The following NME6 variants were observed in gnomAD, a reference collection of about 807,000 sequenced individuals.
The protein encoded by NME6 is NME/NM23 nucleoside diphosphate kinase 6.
Under a neutral mutation model 22.2 loss-of-function variants are expected in NME6, and 16 were observed. The observed-to-expected ratio is 0.72, with a 90% CI of 0.49 to 1.09. NME6 has a LOEUF of 1.09. NME6 is among the 50% of genes least tolerant of loss of function. The pLI is 0.00. For missense variants in NME6, 229 were observed against 239.0 expected (o/e 0.96, Z 0.28); for synonymous variants, 58 against 85.2 (o/e 0.68, Z 1.76).
At chr3:48,300,256 ATCT>A in intron 1 of NME6, 1 of 456,758 alleles carries the variant, frequency 2.2e-6, no homozygotes, top group South Asian at 1.5e-5. Flanking sequence ...GCTCTGCATG[ATCT>A]TGTGGTTCCC....
chr3:48,288,098 A>G (rs2034260856), downstream of NME6, among the ~76,000 whole-genome samples: 1 of 152,196 alleles, frequency 6.6e-6, no homozygotes, highest in Non-Finnish European at 1.5e-5. Flanking sequence ...TTAGCTTAAA[A>G]GTAAGAGCGT....
rs2035451827 is a variant in NME6 at position 48,299,276 on chromosome 3, G to A, written c.-7-753C>T. 4.9e-5 allele frequency: 15 copies of A among 308,950 alleles called. No homozygotes were observed. The East Asian group carries it at 7.7e-4, about 16-fold the overall frequency. 19.1% of individuals were successfully genotyped at this position (308,950 alleles called of 1,614,324 possible). On this transcript the variant is annotated intron_variant, in intron 1 of 5. Transcript: ENST00000442597. Reference sequence around the variant, plus strand: ...TTCTATTCATCTTTGTATTCCTAATGTCTAGCATGGTGTAAGAGCTCAATA... The same window carrying A: ...TTCTATTCATCTTTGTATTCCTAATATCTAGCATGGTGTAAGAGCTCAATA...
At position 48,292,513 on chromosome 3, in the gene NME6, G is replaced by C. The variant is rs1013722654; in HGVS notation, c.*2124C>G. 12 of 151,964 alleles carry C rather than the reference G, an allele frequency of 7.9e-5. No homozygotes were observed. The highest frequency in any genetic ancestry group is 2.9e-4 in the African/African-American group (12 of 41,368). 9.4% of individuals were successfully genotyped at this position (151,964 alleles called of 1,614,324 possible). ...ATATCAATTTTGTTGATACTTTGTG[G>C]GCTGAGATGTTGACAGATTTTGTTC... On this transcript the variant is annotated 3_prime_UTR_variant, in exon 6 of 6. Transcript: ENST00000442597.
intron 2 of NME6, among the ~76,000 whole-genome samples, chr3:48,297,093 TAA>T (rs1274751761): frequency 6.6e-6 from 1 of 152,180 alleles, no homozygotes; most frequent in Non-Finnish European, 1.5e-5. Context: ...CAGACCACCA[TAA>T]AAGTCTTGTT....
At chr3:48,295,786 G>A in intron 4 of NME6, 1 of 374,876 alleles carries the variant, frequency 2.7e-6, no homozygotes, top group Non-Finnish European at 4.9e-6. Flanking sequence ...CACGATCTTG[G>A]CTCACTTCAA....
At chr3:48,288,109 G>C (rs147365291), downstream of NME6, among the ~76,000 whole-genome samples, 92 of 152,222 alleles carry the variant, frequency 6.0e-4, 2 homozygotes, top group East Asian at 0.015. Context: ...GTAAGAGCGT[G>C]GTGGCTCATG....
chr3:48,296,079 G>T, intron 4 of NME6, 40 bp downstream of exon 4: 1 of 1,285,098 alleles, frequency 7.8e-7, no homozygotes, highest in Non-Finnish European at 1.1e-6. Context: ...GGGGAGATTA[G>T]CCTCAGTGGA....
chr3:48,300,672 A>C (rs2035598031), intron 1 of NME6: 1 of 233,772 alleles, frequency 4.3e-6, no homozygotes, highest in South Asian at 5.0e-5. Context: ...AACGCAGCTA[A>C]GTTGTGGCTG....
At chr3:48,300,343 A>T (rs2035562619) in intron 1 of NME6, 7 of 456,634 alleles carry the variant, frequency 1.5e-5, no homozygotes, top group South Asian at 1.1e-4. Context: ...TGGGCCTTTC[A>T]GTTTTGAAAG....
At chr3:48,300,956 G>A (rs2035631948) in intron 1 of NME6, among the ~76,000 whole-genome samples, 1 of 152,128 alleles carries the variant, frequency 6.6e-6, no homozygotes, top group Non-Finnish European at 1.5e-5. Context: ...GCTGAGGCAG[G>A]AGCATTACTT....
intron 4 of NME6, chr3:48,295,902 A>G (rs950451428): frequency 5.2e-6 from 3 of 577,050 alleles, no homozygotes; most frequent in Admixed American, 3.1e-5. Context: ...TTTTTAGTAG[A>G]GACGGTGTTT....
chr3:48,294,744 G>A lies in NME6; in HGVS notation c.454C>T (p.Arg152Cys), dbSNP rs774624563. 3.9e-5 allele frequency: 63 copies of A among 1,613,996 alleles called. No individual in the cohort carries two copies. In the Admixed American group the frequency reaches 5.2e-4, roughly 13 times the overall value. The change falls in exon 6 of 6, where the codon CGC (arginine) becomes TGC (cysteine). Residue 152 changes from arginine (R) to cysteine (C), a missense_variant. Physicochemically the swap from Arg to Cys is radical, Grantham distance 180. Transcript: ENST00000442597. ...TGGGGCTCTTCCTCCTCATACCAGC[G>A]CTGTTCACTGAAGTCAGGGAAGAAG... ...AAFFPDFSEQ[R>C]WYEEEEPQLR...
In NME6 at chr3:48,298,153, T is replaced by C. The variant is rs2106983947; in HGVS notation, c.90+274A>G. Reference sequence around the variant, plus strand: ...AAGTGTTGTTTTAAGCTCTCAAGTCTGGAGTAATGTGTTATGTAGCAATAG... The same window carrying C: ...AAGTGTTGTTTTAAGCTCTCAAGTCCGGAGTAATGTGTTATGTAGCAATAG... On this transcript the variant is annotated intron_variant, in intron 2 of 5. Coordinates refer to ENST00000442597, the MANE Select transcript of NME6 (RefSeq NM_001308426.2). 2 of 456,932 alleles carry C rather than the reference T, an allele frequency of 4.4e-6. 1 individual carries two copies. Among genetic ancestry groups the C allele is most frequent in the Non-Finnish European group, 8.0e-6 (2 of 249,518 alleles). The allele number at this position is 456,932 out of a possible 1,614,324, so 28.3% of individuals were successfully genotyped here.
intron 1 of NME6, among the ~76,000 whole-genome samples, chr3:48,299,475 T>A (rs936531898): frequency 6.6e-6 from 1 of 152,116 alleles, no homozygotes; most frequent in Non-Finnish European, 1.5e-5. Flanking sequence ...TGGCCATGTG[T>A]AGTGGCTCAC....
intron 1 of NME6, chr3:48,300,391 G>A (rs1158423172): frequency 4.4e-6 from 2 of 455,796 alleles, no homozygotes; most frequent in Non-Finnish European, 8.8e-6. Context: ...AGTAGTTTTC[G>A]CAGTCCTGAA....
chr3:48,289,770 G>A (rs1297814967), downstream of NME6, among the ~76,000 whole-genome samples: 1 of 152,154 alleles, frequency 6.6e-6, no homozygotes, highest in Non-Finnish European at 1.5e-5. Flanking sequence ...GTTCACGATT[G>A]TTCAATGTGA....
At chr3:48,300,170 T>C (rs2035543851) in intron 1 of NME6, 1 of 448,358 alleles carries the variant, frequency 2.2e-6, no homozygotes, top group Non-Finnish European at 4.5e-6. Flanking sequence ...TCTAATCATA[T>C]GGTTCCCCTC....
In NME6 at chr3:48,293,673, G is replaced by A. The variant is rs2034739884; in HGVS notation, c.*964C>T. ...TTCTCCCACAGGACTTTATACCTCT[G>A]TTAGGGCACTTCTCCATCTCTGCCA... is the stretch of plus-strand genomic sequence containing the variant. On this transcript the variant is annotated 3_prime_UTR_variant, in exon 6 of 6. Transcript: ENST00000442597. The A allele has an allele frequency of 1.3e-5, 2 of 152,204 alleles. No individual in the cohort carries two copies. 9.4% of individuals were successfully genotyped at this position (152,204 alleles called of 1,614,324 possible). A position where few individuals can be genotyped will look rare whatever the true frequency, so the allele number is the denominator to read the frequency against.
intron 1 of NME6, chr3:48,300,825 A>G: frequency 5.9e-6 from 1 of 170,508 alleles, no homozygotes; most frequent in Middle Eastern, 2.8e-3. Context: ...AGGCGGGCGG[A>G]TCACGAAGTC....
Sources: gnomAD v4.1 joint callset for allele counts (sites outside exome capture counted in the v4.1 genomes callset) on GRCh38, gnomAD v4.1.1 for gene constraint, MANE v1.5 for transcripts, NCBI Gene and HGNC (gene_info 2026-07-23, HGNC 2026-07-21) for gene names.